The following MYO16 variants were observed in gnomAD, a reference collection of about 807,000 sequenced individuals.
MYO16 encodes the protein unconventional myosin-XVI.
In MYO16, 94 loss-of-function variants were observed where a neutral mutation model predicts 205.3. That is an observed-to-expected ratio of 0.46 (90% CI 0.39 to 0.54). The LOEUF (loss-of-function observed/expected upper bound fraction) is 0.54, where lower values mean the gene tolerates loss of function less well. MYO16 is among the 20% of genes least tolerant of loss of function. MYO16 has a pLI of 0.00. For synonymous variants in MYO16, 988 were observed against 954.0 expected, an observed-to-expected ratio of 1.04 and a Z score of -0.66; for missense variants, 2,315 against 2,387.5, an observed-to-expected ratio of 0.97 and a Z score of 0.63.
intron 13 of MYO16, among the ~76,000 whole-genome samples, chr13:108,886,051 G>C (rs749430703): frequency 2.0e-5 from 3 of 152,050 alleles, no homozygotes; most frequent in Admixed American, 6.5e-5. Context: ...GCAGTGGCGC[G>C]ATCTGGGCTC....
chr13:108,786,686 G>A (rs913143735), intron 5 of MYO16, among the ~76,000 whole-genome samples: 1 of 152,180 alleles, frequency 6.6e-6, no homozygotes, highest in Admixed American at 6.5e-5. Context: ...CAATGAGTTC[G>A]CAGATAAAAT....
chr13:108,938,564 G>T (rs1055241272), intron 16 of MYO16, among the ~76,000 whole-genome samples: 3 of 152,226 alleles, frequency 2.0e-5, no homozygotes, highest in East Asian at 1.9e-4. Flanking sequence ...AGAGAGATGT[G>T]GGGGTGGCCT....
rs969571106 is a variant in MYO16, at chr13:108,759,736, G to A, written c.508-25899G>A. On this transcript the variant is annotated intron_variant, in intron 4 of 34. Transcript: ENST00000457511. ...CTCCGGAGGCTAAGGCAGGAGAATG[G>A]CGTGAACCCAGGAGGCGGAGTTGCA... Among the ~76,000 whole-genome samples, 43 of 151,806 alleles carry A rather than the reference G, an allele frequency of 2.8e-4. 1 individual carries two copies. The highest frequency in any genetic ancestry group is 3.4e-3 in the Middle Eastern group (1 of 294).
chr13:108,581,375 C>G, the MYO16 span, among the ~76,000 whole-genome samples: 1 of 152,146 alleles, frequency 6.6e-6, no homozygotes. Context: ...ATATAATATG[C>G]AAGCTACATT....
intron 33 of MYO16, among the ~76,000 whole-genome samples, chr13:109,174,551 G>A (rs892344899): frequency 2.6e-5 from 4 of 152,000 alleles, no homozygotes; most frequent in African/African-American, 9.7e-5. Flanking sequence ...AAATCAAGAG[G>A]GTAGTGGATT....
At chr13:108,790,253 A>G (rs1886577487) in intron 5 of MYO16, among the ~76,000 whole-genome samples, 1 of 152,224 alleles carries the variant, frequency 6.6e-6, no homozygotes, top group Admixed American at 6.5e-5. Context: ...TATTACCTTA[A>G]GAGGGACGGT....
chr13:108,763,051 T>C (rs935973355), intron 4 of MYO16, among the ~76,000 whole-genome samples: 9 of 152,202 alleles, frequency 5.9e-5, no homozygotes, highest in African/African-American at 2.2e-4. Context: ...GGAAATATTA[T>C]TTTCCCAAAT....
intron 1 of MYO16, among the ~76,000 whole-genome samples, chr13:108,601,051 G>A (rs1878744556): frequency 6.6e-6 from 1 of 152,058 alleles, no homozygotes; most frequent in Admixed American, 6.6e-5. Flanking sequence ...GAACTCAGCA[G>A]GTAGGGTGTT....
At chr13:108,792,406 C>A (rs1352969570) in intron 5 of MYO16, among the ~76,000 whole-genome samples, 1 of 152,144 alleles carries the variant, frequency 6.6e-6, no homozygotes, top group African/African-American at 2.4e-5. Flanking sequence ...TTAACACTCG[C>A]ATAGCCATGG....
At chr13:108,959,036 G>A (rs1002184460) in intron 17 of MYO16, among the ~76,000 whole-genome samples, 1 of 152,206 alleles carries the variant, frequency 6.6e-6, no homozygotes, top group Admixed American at 6.5e-5. Flanking sequence ...ACGGGGCAGT[G>A]AGTAGGTGGG....
At chr13:109,015,268 C>T (rs765991593) in intron 22 of MYO16, among the ~76,000 whole-genome samples, 28 of 152,118 alleles carry the variant, frequency 1.8e-4, no homozygotes, top group Non-Finnish European at 3.4e-4. Context: ...TTACGTTTAT[C>T]GATTTGTGTA....
intron 20 of MYO16, 83 bp downstream of exon 20, chr13:108,964,985 T>C: frequency 3.6e-6 from 5 of 1,397,126 alleles, no homozygotes; most frequent in Non-Finnish European, 4.9e-6. Flanking sequence ...AGCTTCATAT[T>C]ACAGGGTAAC....
At chr13:108,739,171 T>C (rs9520998) in intron 4 of MYO16, among the ~76,000 whole-genome samples, 111,415 of 151,900 alleles carry the variant, frequency 0.73, 41,433 homozygotes, top group Non-Finnish European at 0.8. Context: ...AATTTGATCC[T>C]GTCATTATGA....
chr13:109,015,894 G>T (rs1194353178), intron 22 of MYO16, among the ~76,000 whole-genome samples: 1 of 151,600 alleles, frequency 6.6e-6, no homozygotes, highest in Non-Finnish European at 1.5e-5. Context: ...CAATTTTGTT[G>T]ATCTTTTCAG....
At chr13:108,964,052 C>T (rs1337806651) in intron 19 of MYO16, among the ~76,000 whole-genome samples, 1 of 152,200 alleles carries the variant, frequency 6.6e-6, no homozygotes, top group Admixed American at 6.5e-5. Context: ...CACGTGGACC[C>T]CGCCCTGTTC....
At chr13:108,542,323 T>G in the MYO16 span, among the ~76,000 whole-genome samples, 151,274 of 152,192 alleles carry the variant, frequency 0.99, 75,192 homozygotes, top group East Asian at 1. Flanking sequence ...AAGGGAAGAA[T>G]TTGGGAGGAG....
At chr13:108,933,386 G>T (rs1882344673) in intron 16 of MYO16, among the ~76,000 whole-genome samples, 1 of 152,070 alleles carries the variant, frequency 6.6e-6, no homozygotes, top group Non-Finnish European at 1.5e-5. Context: ...TTTCCTACTT[G>T]AAGAAATGAA....
the MYO16 span, among the ~76,000 whole-genome samples, chr13:108,553,493 T>C: frequency 6.6e-6 from 1 of 152,202 alleles, no homozygotes; most frequent in Non-Finnish European, 1.5e-5. Context: ...GTTTATTTTG[T>C]CTACATCTGT....
At chr13:108,616,441 G>A (rs193289743) in intron 1 of MYO16, among the ~76,000 whole-genome samples, 1 of 152,128 alleles carries the variant, frequency 6.6e-6, no homozygotes, top group East Asian at 1.9e-4. Context: ...AACTGTGGAT[G>A]GTATCAACTC....
Sources: allele counts gnomAD v4.1 joint callset (sites outside exome capture counted in the v4.1 genomes callset), GRCh38; gene constraint gnomAD v4.1.1; transcripts MANE v1.5; gene names NCBI Gene and HGNC (gene_info 2026-07-23, HGNC 2026-07-21).